Variants in DNAJC15 observed in about 807,000 individuals in gnomAD.
The protein encoded by DNAJC15 is DnaJ heat shock protein family (Hsp40) member C15.
DNAJC15 carries 27 observed loss-of-function variants against 22.4 expected under a neutral mutation model. The observed-to-expected ratio is 1.20, with a 90% confidence interval of 0.89 to 1.66. The LOEUF is 1.66. Ranked by LOEUF, DNAJC15 falls within the 40% of genes most tolerant of loss-of-function variation. DNAJC15 has a pLI of 0.00. For synonymous variants in DNAJC15, 79 were observed against 63.2 expected (o/e 1.25, Z -1.19); for missense variants, 208 against 187.1 (o/e 1.11, Z -0.65).
At chr13:43,062,043 G>A (rs2040561788) in intron 1 of DNAJC15, among the ~76,000 whole-genome samples, 1 of 152,160 alleles carries the variant, frequency 6.6e-6, no homozygotes, top group African/African-American at 2.4e-5. Flanking sequence ...GAGGATCCTG[G>A]TAGTAATAGG....
rs147698686 is a variant in DNAJC15, at chr13:43,104,378, C to T, written c.383-2800C>T. Among the ~76,000 whole-genome samples the T allele has an allele frequency of 1.5e-3, 230 of 152,278 alleles. 1 individual carries two copies. Among genetic ancestry groups the T allele is most frequent in the African/African-American group, 5.3e-3 (220 of 41,546 alleles). On this transcript the variant is annotated intron_variant, in intron 5 of 5. Transcript: ENST00000379221. ...TGTTGGGCTCATCATAGTGCATTTC[C>T]GTTATCTCCAGGATCTTGGCCCTCA...
chr13:43,102,768 C>T (rs2040776106), intron 5 of DNAJC15, among the ~76,000 whole-genome samples: 1 of 151,990 alleles, frequency 6.6e-6, no homozygotes, highest in Non-Finnish European at 1.5e-5. Context: ...GTTTGTTTTG[C>T]ACCTGTGCTC....
At chr13:43,037,115 C>G (rs185521500) in intron 1 of DNAJC15, among the ~76,000 whole-genome samples, 14 of 152,362 alleles carry the variant, frequency 9.2e-5, no homozygotes, top group African/African-American at 3.4e-4. Context: ...TGGTGCCTCC[C>G]GCTCTGCAGC....
At chr13:43,100,254 CTGGAG>C (rs2040761169) in intron 5 of DNAJC15, among the ~76,000 whole-genome samples, 1 of 136,554 alleles carries the variant, frequency 7.3e-6, no homozygotes, top group Non-Finnish European at 1.5e-5. Context: ...GTCACCCAGA[CTGGAG>C]TGCAGTGGCA....
rs1180784266 is a variant in DNAJC15, at chr13:43,023,589, C to T, written c.-38C>T. Reference sequence around the variant, plus strand: ...TTTGTCCCTACGGCCGCCTCGTAGTCACTGCCGCGGCGCCTTGAGTCTCCG... The same window carrying T: ...TTTGTCCCTACGGCCGCCTCGTAGTTACTGCCGCGGCGCCTTGAGTCTCCG... On this transcript the variant is annotated 5_prime_UTR_variant, in exon 1 of 6. Coordinates refer to ENST00000379221, the MANE Select transcript of DNAJC15 (RefSeq NM_013238.3). The T allele has an allele frequency of 1.3e-6, 2 of 1,574,482 alleles. No individual in the cohort carries two copies. Among genetic ancestry groups the T allele is most frequent in the East Asian group, 2.3e-5 (1 of 43,198 alleles).
At chr13:43,048,652 T>G (rs1005254495) in intron 1 of DNAJC15, among the ~76,000 whole-genome samples, 25 of 152,280 alleles carry the variant, frequency 1.6e-4, no homozygotes, top group Admixed American at 7.2e-4. Flanking sequence ...AGGTTTTTGG[T>G]TTTTCTTACA....
Position 43,109,356 on chromosome 13 carries a change from G to A in DNAJC15, c.*2108G>A, listed in dbSNP as rs1011696778. On this transcript the variant is annotated 3_prime_UTR_variant, in exon 6 of 6. Transcript: ENST00000379221. ...TACTCTGGAGCACTTGCATTTAGCA[G>A]GCATCATAAAGTTTTACGTACCAAG... The A allele has an allele frequency of 6.6e-6, 1 of 152,088 alleles. No individual in the cohort carries two copies. The highest frequency in any genetic ancestry group is 1.5e-5 in the Non-Finnish European group (1 of 68,024). 9.4% of individuals were successfully genotyped at this position (152,088 alleles called of 1,614,324 possible). A position where few individuals can be genotyped will look rare whatever the true frequency, so the allele number is the denominator to read the frequency against.
At chr13:43,096,653 A>G (rs1420369215) in intron 5 of DNAJC15, among the ~76,000 whole-genome samples, 2 of 152,216 alleles carry the variant, frequency 1.3e-5, no homozygotes, top group Non-Finnish European at 1.5e-5. Context: ...GTGAGAGACA[A>G]TAGTAGATAG....
intron 1 of DNAJC15, among the ~76,000 whole-genome samples, chr13:43,050,153 C>G (rs1274034563): frequency 1.3e-5 from 2 of 152,180 alleles, no homozygotes; most frequent in East Asian, 3.9e-4. Context: ...TTCCTGACCT[C>G]AGGTGATCCA....
chr13:43,098,183 C>T (rs2762163), intron 5 of DNAJC15, among the ~76,000 whole-genome samples: 2,400 of 152,232 alleles, frequency 0.016, 54 homozygotes, highest in African/African-American at 0.054. Context: ...ATTATGTTCA[C>T]TGAGAAGAAA....
chr13:43,067,016 G>T (rs1401633956), intron 2 of DNAJC15, among the ~76,000 whole-genome samples: 1 of 152,158 alleles, frequency 6.6e-6, no homozygotes, highest in Admixed American at 6.5e-5. Flanking sequence ...CTAATTAAAT[G>T]TTAATTTGAG....
chr13:43,092,221 A>T (rs76171078), intron 5 of DNAJC15, among the ~76,000 whole-genome samples: 3 of 152,048 alleles, frequency 2.0e-5, no homozygotes, highest in African/African-American at 7.2e-5. Flanking sequence ...CCTTGTTTTA[A>T]ATATCTCTCA....
intron 2 of DNAJC15, among the ~76,000 whole-genome samples, chr13:43,066,249 CT>C (rs67141859): frequency 0.25 from 36,967 of 149,820 alleles, 5,021 homozygotes; most frequent in Non-Finnish European, 0.32. Context: ...AAGAATAGTT[CT>C]TTTTTTTTTC....
chr13:43,039,887 C>T (rs1034094414), intron 1 of DNAJC15, among the ~76,000 whole-genome samples: 27 of 151,932 alleles, frequency 1.8e-4, no homozygotes, highest in Non-Finnish European at 3.5e-4. Flanking sequence ...GGCGTGGTGG[C>T]GTGTACCTGT....
At position 43,093,560 on chromosome 13, in the gene DNAJC15, G is replaced by A. The variant is rs181045664; in HGVS notation, c.382+7722G>A. On this transcript the variant is annotated intron_variant, in intron 5 of 5. Coordinates refer to ENST00000379221, the MANE Select transcript of DNAJC15 (RefSeq NM_013238.3). The stretch of plus-strand genomic sequence containing the variant: ...CAAGTACTTGGGACAATAGGTGTGT[G>A]CCAACATACCCAGCTAATTTTTTAT... Among the ~76,000 whole-genome samples the A allele has an allele frequency of 2.6e-5, 4 of 152,152 alleles. No individual in the cohort carries two copies. The East Asian group carries it at 7.7e-4, about 29-fold the overall frequency.
Position 43,112,770 on chromosome 13 carries a change from A to G in DNAJC15, c.*5522A>G, listed in dbSNP as rs896019478. ...CCAGTAAGTGGTGGCACTAGGAACC[A>G]AATTCAGACTCTGAATCGCATGCTG... On this transcript the variant is annotated 3_prime_UTR_variant, in exon 6 of 6. Transcript: ENST00000379221. The G allele has an allele frequency of 2.0e-5, 3 of 152,214 alleles. No homozygotes were observed. The highest frequency in any genetic ancestry group is 7.2e-5 in the African/African-American group (3 of 41,466). The allele number at this position is 152,214 out of a possible 1,614,324, so 9.4% of individuals were successfully genotyped here.
Position 43,107,359 on chromosome 13 carries a change from C to A in DNAJC15, c.*111C>A. 1.2e-6 allele frequency: 1 copy of A among 800,968 alleles called. No homozygotes were observed. The highest frequency in any genetic ancestry group is 1.8e-6 in the Non-Finnish European group (1 of 552,956). The allele number at this position is 800,968 out of a possible 1,614,324, so 49.6% of individuals were successfully genotyped here. ...CTTAATTTTCTATATGGATTGACCA[C>A]AGTCTTATCTTCCACCATTAAGCTG... On this transcript the variant is annotated 3_prime_UTR_variant, in exon 6 of 6. Transcript: ENST00000379221.
intron 5 of DNAJC15, among the ~76,000 whole-genome samples, chr13:43,101,391 T>C (rs1264989533): frequency 6.6e-6 from 1 of 152,234 alleles, no homozygotes; most frequent in Non-Finnish European, 1.5e-5. Flanking sequence ...TGTTTAATCC[T>C]TTCTCATTTA....
chr13:43,041,180 G>T (rs1242088879), intron 1 of DNAJC15, among the ~76,000 whole-genome samples: 1 of 152,180 alleles, frequency 6.6e-6, no homozygotes, highest in Non-Finnish European at 1.5e-5. Flanking sequence ...GACGATACCT[G>T]GCTTTCCTAG....
Sources: allele counts gnomAD v4.1 joint callset (sites outside exome capture counted in the v4.1 genomes callset), GRCh38; gene constraint gnomAD v4.1.1; transcripts MANE v1.5; gene names NCBI Gene and HGNC (gene_info 2026-07-23, HGNC 2026-07-21).